Variants in DAB1 observed in about 807,000 individuals in gnomAD.
DAB1 encodes the protein disabled homolog 1.
DAB1 carries 15 observed loss-of-function variants against 64.6 expected under a neutral mutation model. The ratio of observed to expected loss-of-function variants is 0.23; its 90% CI spans 0.16 to 0.36. DAB1 has a LOEUF of 0.36. Ranked by LOEUF, DAB1 falls within the 10% of genes least tolerant of loss-of-function variation. The pLI, the probability that DAB1 is intolerant of heterozygous loss-of-function variation, is 1.00. For missense variants in DAB1, 596 were observed against 706.7 expected (o/e 0.84, Z 1.78); for synonymous variants, 235 against 251.9 (o/e 0.93, Z 0.64).
chr1:58,416,998 A>C (rs1644727557), intron 3 of DAB1, among the ~76,000 whole-genome samples: 1 of 152,226 alleles, frequency 6.6e-6, no homozygotes, highest in African/African-American at 2.4e-5. Context: ...AGTTAAATAA[A>C]ATGCAGTTTT....
At chr1:58,541,988 C>A (rs376299979) in intron 1 of DAB1, among the ~76,000 whole-genome samples, 1 of 152,090 alleles carries the variant, frequency 6.6e-6, no homozygotes, top group African/African-American at 2.4e-5. Flanking sequence ...TAAGCTAATA[C>A]GATATTATCT....
chr1:58,129,354 C>G (rs1356810668), intron 5 of DAB1, among the ~76,000 whole-genome samples: 2 of 144,840 alleles, frequency 1.4e-5, no homozygotes, highest in African/African-American at 5.1e-5. Context: ...CTCTTTTTTT[C>G]TTTATTAGTC....
chr1:57,931,725 G>C (rs912268151), intron 5 of DAB1, among the ~76,000 whole-genome samples: 5 of 152,062 alleles, frequency 3.3e-5, no homozygotes, highest in Admixed American at 3.3e-4. Context: ...TTTGCAATTT[G>C]TGTCCTTTGT....
chr1:57,990,728 T>G (rs1646322851), intron 5 of DAB1, among the ~76,000 whole-genome samples: 3 of 152,126 alleles, frequency 2.0e-5, no homozygotes, highest in Admixed American at 1.3e-4. Context: ...GGCAGCAGTA[T>G]GCTGGTCCCA....
intron 5 of DAB1, among the ~76,000 whole-genome samples, chr1:57,971,214 C>T (rs1199876947): frequency 6.6e-6 from 1 of 152,206 alleles, no homozygotes; most frequent in Non-Finnish European, 1.5e-5. Flanking sequence ...TCAACAATTG[C>T]TGAGTTTCCC....
intron 6 of DAB1, among the ~76,000 whole-genome samples, chr1:57,778,378 C>A (rs1649913907): frequency 6.6e-6 from 1 of 151,798 alleles, no homozygotes; most frequent in African/African-American, 2.4e-5. Flanking sequence ...TTGATATACA[C>A]CTCCCTCTGC....
chr1:57,326,901 G>A (rs1400383280), intron 1 of DAB1, among the ~76,000 whole-genome samples: 5 of 151,818 alleles, frequency 3.3e-5, no homozygotes, highest in Non-Finnish European at 7.4e-5. Flanking sequence ...AACCCACAGT[G>A]CTGTTCAGTG....
chr1:57,150,309 C>T (rs969286335), intron 2 of DAB1, among the ~76,000 whole-genome samples: 6 of 152,190 alleles, frequency 3.9e-5, no homozygotes, highest in Non-Finnish European at 7.3e-5. Context: ...AGTTTGTCTG[C>T]GACAGCCCCA....
At position 58,533,229 on chromosome 1, in the gene DAB1, A is replaced by C. The variant is rs567129540; in HGVS notation, n.33-5894T>G. Reference sequence around the variant, plus strand: ...TACATCAACTTGAATTCTATGATCTATAAGAAAAGCGCTGCTAAAAACCAG... The same window carrying C: ...TACATCAACTTGAATTCTATGATCTCTAAGAAAAGCGCTGCTAAAAACCAG... On this transcript the variant is annotated intron_variant and non_coding_transcript_variant, in intron 1 of 20. Coordinates refer to the DAB1 transcript ENST00000485760. Among the ~76,000 whole-genome samples the C allele has an allele frequency of 1.4e-4, 21 of 152,356 alleles. No individual in the cohort carries two copies. In the South Asian group the frequency reaches 4.4e-3, roughly 32 times the overall value.
chr1:58,133,788 T>C (rs1008936844), intron 5 of DAB1, among the ~76,000 whole-genome samples: 2 of 152,224 alleles, frequency 1.3e-5, no homozygotes, highest in African/African-American at 2.4e-5. Flanking sequence ...CAGCCAGGTA[T>C]TGCAGAAGGA....
At chr1:57,557,555 C>G (rs1645004559) in intron 7 of DAB1, among the ~76,000 whole-genome samples, 1 of 151,930 alleles carries the variant, frequency 6.6e-6, no homozygotes, top group African/African-American at 2.4e-5. Flanking sequence ...TCTAGAGGGA[C>G]AGAATATTAA....
In DAB1 at chr1:57,140,984, C is replaced by G. The variant is rs200957656; in HGVS notation, c.207+4306G>C. On this transcript the variant is annotated intron_variant, in intron 3 of 14. Coordinates refer to ENST00000371236, the MANE Select transcript of DAB1 (RefSeq NM_001365792.1). ...CATTCACACAGCACAGTACATGCAC[C>G]CAACGTTATGACTGTGCTCTCCAGG... Among the ~76,000 whole-genome samples, 8 of 152,078 alleles carry G rather than the reference C, an allele frequency of 5.3e-5. No homozygotes were observed. In the East Asian group the frequency reaches 1.5e-3, roughly 29 times the overall value.
chr1:58,086,517 C>T (rs1650325777), intron 5 of DAB1, among the ~76,000 whole-genome samples: 1 of 152,116 alleles, frequency 6.6e-6, no homozygotes, highest in African/African-American at 2.4e-5. Context: ...AGAAGGACAT[C>T]ATGCAGTCAT....
chr1:57,805,791 G>A (rs1201214831), intron 6 of DAB1, among the ~76,000 whole-genome samples: 2 of 152,064 alleles, frequency 1.3e-5, no homozygotes, highest in African/African-American at 4.8e-5. Context: ...ACTGAACCCT[G>A]AAATCCTCCT....
At chr1:57,117,196 A>C (rs1306197014) in intron 4 of DAB1, among the ~76,000 whole-genome samples, 1 of 152,194 alleles carries the variant, frequency 6.6e-6, no homozygotes, top group African/African-American at 2.4e-5. Flanking sequence ...TTTACATGGG[A>C]AAATGTACTG....
chr1:57,398,923 G>A (rs1014599993), intron 1 of DAB1, among the ~76,000 whole-genome samples: 20 of 131,642 alleles, frequency 1.5e-4, no homozygotes, highest in Non-Finnish European at 3.0e-4. Context: ...CTGGCTTAGG[G>A]TTTTGAATGT....
intron 6 of DAB1, among the ~76,000 whole-genome samples, chr1:57,784,187 G>A (rs1210725278): frequency 6.6e-6 from 1 of 152,124 alleles, no homozygotes; most frequent in Non-Finnish European, 1.5e-5. Context: ...TTGAGCTCAG[G>A]AGTTTGAGAC....
intron 5 of DAB1, among the ~76,000 whole-genome samples, chr1:58,007,659 G>T (rs1219764982): frequency 1.3e-5 from 2 of 152,172 alleles, no homozygotes; most frequent in Non-Finnish European, 2.9e-5. Flanking sequence ...GAACAGTGTG[G>T]TCTCTTTTGA....
rs61590002 is a variant in DAB1 at position 57,116,461 on chromosome 1, C to CAA, written c.306+20080_306+20081dup. On this transcript the variant is annotated intron_variant, in intron 4 of 14. Transcript: ENST00000371236. ...TGGGCAATAGAGTGAGACTCTGTCT[C>CAA]AAAAAAAAAAAAAAAAAAAAAAGAA... is the stretch of plus-strand genomic sequence containing the variant. 4.6e-4 allele frequency among the ~76,000 whole-genome samples: 33 copies of CAA among 71,964 alleles called. 2 individuals are homozygous for CAA. The highest frequency in any genetic ancestry group is 6.4e-4 in the Non-Finnish European group (25 of 38,992). 47.2% of individuals were successfully genotyped at this position (71,964 alleles called of 152,430 possible).
Sources: allele counts gnomAD v4.1 joint callset (sites outside exome capture counted in the v4.1 genomes callset), GRCh38; gene constraint gnomAD v4.1.1; transcripts MANE v1.5; gene names NCBI Gene and HGNC (gene_info 2026-07-23, HGNC 2026-07-21).